The following RNF212B variants were observed in gnomAD, a reference collection of about 807,000 sequenced individuals.
The protein encoded by RNF212B is E3 ubiquitin-protein ligase RNF212B.
A neutral mutation model predicts 55.5 loss-of-function variants in RNF212B; 52 were observed. That is an observed-to-expected ratio of 0.94 (90% CI 0.75 to 1.18). RNF212B has a LOEUF of 1.18. RNF212B is among the 50% of genes most tolerant of loss of function. RNF212B has a pLI of 0.00. For missense variants in RNF212B, 289 were observed against 350.4 expected (o/e 0.82, Z 1.40); for synonymous variants, 99 against 121.4 (o/e 0.82, Z 1.21).
chr14:23,189,124 T>C (rs372104920), intron 1 of RNF212B, among the ~76,000 whole-genome samples: 16 of 152,178 alleles, frequency 1.1e-4, no homozygotes, highest in African/African-American at 2.9e-4. Context: ...CACAATCTTG[T>C]AGTTAACTGA....
At chr14:23,244,876 C>T (rs569456259) in intron 4 of RNF212B, among the ~76,000 whole-genome samples, 13 of 152,234 alleles carry the variant, frequency 8.5e-5, no homozygotes, top group African/African-American at 3.1e-4. Context: ...ATTTAGTGTT[C>T]ATAACTGGTT....
intron 4 of RNF212B, among the ~76,000 whole-genome samples, chr14:23,257,044 T>C (rs980388907): frequency 6.6e-6 from 1 of 151,952 alleles, no homozygotes; most frequent in African/African-American, 2.4e-5. Context: ...TCCCAGCTAC[T>C]CAGGAGGCTG....
intron 4 of RNF212B, among the ~76,000 whole-genome samples, chr14:23,247,189 C>T (rs1423975436): frequency 6.8e-6 from 1 of 147,414 alleles, no homozygotes; most frequent in Admixed American, 6.8e-5. Context: ...ACCCCATCTA[C>T]TTTTTTTTTT....
intron 4 of RNF212B, among the ~76,000 whole-genome samples, chr14:23,249,095 C>T (rs1455687145): frequency 6.6e-6 from 1 of 152,168 alleles, no homozygotes; most frequent in Admixed American, 6.5e-5. Flanking sequence ...TTTGCTGACC[C>T]TTGGTCTATT....
At chr14:23,224,958 T>C (rs992217605) in intron 2 of RNF212B, among the ~76,000 whole-genome samples, 1 of 152,268 alleles carries the variant, frequency 6.6e-6, no homozygotes, top group African/African-American at 2.4e-5. Context: ...TGAGTAGACA[T>C]TTCTCAAAAG....
At chr14:23,193,625 AGT>A (rs1183952102) in intron 2 of RNF212B, among the ~76,000 whole-genome samples, 1 of 152,174 alleles carries the variant, frequency 6.6e-6, no homozygotes, top group Non-Finnish European at 1.5e-5. Context: ...AACTAGCGAT[AGT>A]GACACAGAAA....
intron 2 of RNF212B, among the ~76,000 whole-genome samples, chr14:23,226,616 G>A (rs867614350): frequency 3.9e-5 from 6 of 152,004 alleles, no homozygotes; most frequent in Admixed American, 6.5e-5. Flanking sequence ...GGGTGACAGA[G>A]CGAGACTCTG....
At chr14:23,233,435 G>T (rs1274699934), upstream of RNF212B, among the ~76,000 whole-genome samples, 1 of 149,662 alleles carries the variant, frequency 6.7e-6, no homozygotes, top group African/African-American at 2.5e-5. Flanking sequence ...TTAAAGAAAA[G>T]AAAATTTTAT....
At chr14:23,200,130 A>T (rs2140367629) in intron 2 of RNF212B, among the ~76,000 whole-genome samples, 1 of 152,162 alleles carries the variant, frequency 6.6e-6, no homozygotes, top group Non-Finnish European at 1.5e-5. Flanking sequence ...AAATCATGGT[A>T]GGATTGGTTT....
At chr14:23,234,474 T>C (rs1882959846), upstream of RNF212B, among the ~76,000 whole-genome samples, 1 of 152,202 alleles carries the variant, frequency 6.6e-6, no homozygotes, top group Non-Finnish European at 1.5e-5. Context: ...TTCTGATCCA[T>C]TTGAAATTTA....
At chr14:23,196,528 T>C (rs866989650) in intron 2 of RNF212B, among the ~76,000 whole-genome samples, 1 of 152,158 alleles carries the variant, frequency 6.6e-6, no homozygotes, top group African/African-American at 2.4e-5. Context: ...CAGCCTTGAA[T>C]TCCTGGGCTC....
intron 2 of RNF212B, among the ~76,000 whole-genome samples, chr14:23,211,779 G>A (rs1880542349): frequency 6.6e-6 from 1 of 152,210 alleles, no homozygotes; most frequent in Non-Finnish European, 1.5e-5. Context: ...CTGGAGTGCA[G>A]TGGTGCAAAC....
At chr14:23,210,701 C>T (rs918391115) in intron 2 of RNF212B, among the ~76,000 whole-genome samples, 5 of 130,464 alleles carry the variant, frequency 3.8e-5, no homozygotes, top group Admixed American at 2.8e-4. Flanking sequence ...TGCATGAGCC[C>T]AGGAGGTGGA....
chr14:23,201,923 T>G (rs1048625929), intron 2 of RNF212B, among the ~76,000 whole-genome samples: 3 of 152,114 alleles, frequency 2.0e-5, no homozygotes, highest in Non-Finnish European at 4.4e-5. Flanking sequence ...AAATATAACT[T>G]CCATAAACCT....
chr14:23,236,608 A>C (rs1442437096), upstream of RNF212B, among the ~76,000 whole-genome samples: 3 of 152,336 alleles, frequency 2.0e-5, no homozygotes, highest in African/African-American at 7.2e-5. Flanking sequence ...TTGTTTTCAA[A>C]TAATATTTAA....
chr14:23,188,883 T>C lies in RNF212B; in HGVS notation c.-79+3393T>C, dbSNP rs544815758. Among the ~76,000 whole-genome samples, 16 of 152,296 alleles carry C rather than the reference T, an allele frequency of 1.1e-4. No homozygotes were observed. The South Asian group carries it at 3.3e-3, about 32-fold the overall frequency. On this transcript the variant is annotated intron_variant, in intron 1 of 15. Transcript: ENST00000399910. ...CTGGCACTCAATAAATATGATTGAT[T>C]GAATGAATTAATGTATAAATAAATG...
At chr14:23,259,994 A>C in intron 6 of RNF212B, 50 bp downstream of exon 6, 5 of 926,610 alleles carry the variant, frequency 5.4e-6, no homozygotes, top group Non-Finnish European at 8.1e-6. Flanking sequence ...TACTTTTCTC[A>C]TCTATCTAGC....
intron 2 of RNF212B, among the ~76,000 whole-genome samples, chr14:23,230,719 T>C (rs1882548123): frequency 6.8e-6 from 1 of 147,476 alleles, no homozygotes; most frequent in African/African-American, 2.5e-5. Flanking sequence ...GATTTTCCCC[T>C]ATATTTTCTT....
intron 4 of RNF212B, among the ~76,000 whole-genome samples, chr14:23,254,405 A>AG (rs1400614094): frequency 6.6e-6 from 1 of 152,184 alleles, no homozygotes; most frequent in Non-Finnish European, 1.5e-5. Context: ...GGATGACATG[A>AG]GGCCAGAAAT....
Sources: gnomAD v4.1 joint callset for allele counts (sites outside exome capture counted in the v4.1 genomes callset) on GRCh38, gnomAD v4.1.1 for gene constraint, MANE v1.5 for transcripts, NCBI Gene and HGNC (gene_info 2026-07-23, HGNC 2026-07-21) for gene names.